Variants in COL25A1 observed in about 807,000 individuals in gnomAD.
COL25A1 encodes the protein collagen type XXV alpha 1 chain, also known as collagen alpha-1(XXV) chain.
COL25A1 carries 103 observed loss-of-function variants against 128.4 expected under a neutral mutation model. That is an observed-to-expected ratio of 0.80 (90% CI 0.68 to 0.94). The LOEUF (loss-of-function observed/expected upper bound fraction) is 0.94, where lower values mean the gene tolerates loss of function less well. COL25A1 is among the 40% of genes least tolerant of loss of function. COL25A1 has a pLI of 0.00. For missense variants in COL25A1, 745 were observed against 840.0 expected (o/e 0.89, Z 1.40); for synonymous variants, 279 against 277.2 (o/e 1.01, Z -0.06).
chr4:109,230,099 G>A (rs112047231), intron 3 of COL25A1, among the ~76,000 whole-genome samples: 2,638 of 152,164 alleles, frequency 0.017, 70 homozygotes, highest in African/African-American at 0.06. Context: ...TGAGGGATCC[G>A]CCTCCATGAC....
intron 3 of COL25A1, among the ~76,000 whole-genome samples, chr4:109,155,727 A>G (rs1405919380): frequency 6.6e-6 from 1 of 152,216 alleles, no homozygotes; most frequent in Non-Finnish European, 1.5e-5. Flanking sequence ...GGACCAACAG[A>G]GCAATTCAGA....
intron 3 of COL25A1, among the ~76,000 whole-genome samples, chr4:109,188,568 T>C (rs1775334238): frequency 1.3e-5 from 2 of 152,098 alleles, no homozygotes; most frequent in Non-Finnish European, 2.9e-5. Context: ...TGTGTCAAAC[T>C]TCCAGGAAAC....
intron 6 of COL25A1, among the ~76,000 whole-genome samples, chr4:108,977,092 G>C (rs1448161060): frequency 6.6e-6 from 1 of 152,180 alleles, no homozygotes; most frequent in Non-Finnish European, 1.5e-5. Context: ...TCTGGAACTA[G>C]AGTCTCAGAA....
At position 108,899,082 on chromosome 4, in the gene COL25A1, A is replaced by G. The variant is rs1213794229; in HGVS notation, c.861+72T>C. On this transcript the variant is annotated intron_variant, in intron 15 of 37. Coordinates refer to ENST00000399132, the MANE Select transcript of COL25A1 (RefSeq NM_198721.4). ...ACCCATCCATTCATGCATATAGTTT[A>G]GTTTGAGTACTTCTTTGGTATGCTG... is the stretch of plus-strand genomic sequence containing the variant. 5.5e-6 allele frequency: 8 copies of G among 1,460,644 alleles called. No homozygotes were observed. The East Asian group carries it at 1.8e-4, about 34-fold the overall frequency. The allele number at this position is 1,460,644 out of a possible 1,614,324, so 90.5% of individuals were successfully genotyped here. A position where few individuals can be genotyped will look rare whatever the true frequency, so the allele number is the denominator to read the frequency against.
At chr4:108,916,720 A>G (rs879786519) in intron 13 of COL25A1, among the ~76,000 whole-genome samples, 6 of 152,182 alleles carry the variant, frequency 3.9e-5, no homozygotes, top group South Asian at 2.1e-4. Context: ...GTTTCCCTCC[A>G]TGATCTGCAA....
At chr4:109,213,390 G>A (rs1777736422) in intron 3 of COL25A1, among the ~76,000 whole-genome samples, 1 of 152,142 alleles carries the variant, frequency 6.6e-6, no homozygotes, top group Non-Finnish European at 1.5e-5. Context: ...TGACCAACAG[G>A]ATATGGCACA....
rs117811437 is a variant in COL25A1, at chr4:109,172,242, T to C, written c.368-122063A>G. 9.7e-4 allele frequency among the ~76,000 whole-genome samples: 148 copies of C among 152,210 alleles called. No individual in the cohort carries two copies. In the East Asian group the frequency reaches 0.017, roughly 17 times the overall value. On this transcript the variant is annotated intron_variant, in intron 3 of 37. Transcript: ENST00000399132. ...GGATGGGGATAACAAAAATAAATAA[T>C]GCAGTTACAGTCTTTGCCCTTACAA...
At chr4:108,877,449 T>C (rs534745804) in intron 19 of COL25A1, among the ~76,000 whole-genome samples, 1 of 152,338 alleles carries the variant, frequency 6.6e-6, no homozygotes, top group South Asian at 2.1e-4. Flanking sequence ...AAACTGGCTA[T>C]ATGTACACAC....
intron 35 of COL25A1, chr4:108,819,739 C>T: frequency 1.4e-6 from 1 of 709,542 alleles, no homozygotes; most frequent in Non-Finnish European, 2.0e-6. Context: ...GTTACGGATC[C>T]CTCCGGCTTG....
intron 13 of COL25A1, among the ~76,000 whole-genome samples, chr4:108,913,733 A>G (rs994058275): frequency 6.6e-6 from 1 of 152,240 alleles, no homozygotes; most frequent in Admixed American, 6.5e-5. Flanking sequence ...AAAAACCAAC[A>G]TCTAAGTATA....
At chr4:108,983,278 G>A (rs1753211259) in intron 6 of COL25A1, among the ~76,000 whole-genome samples, 1 of 152,118 alleles carries the variant, frequency 6.6e-6, no homozygotes, top group Admixed American at 6.5e-5. Flanking sequence ...TCGAAAGAAA[G>A]TATCAACTTG....
chr4:108,886,486 G>GGTTTTTTTTTTT (rs1740822796), intron 18 of COL25A1, among the ~76,000 whole-genome samples: 1 of 79,910 alleles, frequency 1.3e-5, no homozygotes, highest in African/African-American at 4.3e-5. Context: ...GTGTGTGTGT[G>GGTTTTTTTTTTT]TGTGTGTTTA....
At chr4:109,269,039 G>A (rs1255941437) in intron 3 of COL25A1, among the ~76,000 whole-genome samples, 5 of 149,314 alleles carry the variant, frequency 3.3e-5, no homozygotes, top group Admixed American at 6.7e-5. Flanking sequence ...CCACTAACTC[G>A]TCATCTAGCA....
At chr4:108,951,408 C>G (rs1029529262) in intron 8 of COL25A1, among the ~76,000 whole-genome samples, 4 of 143,630 alleles carry the variant, frequency 2.8e-5, no homozygotes, top group African/African-American at 1.0e-4. Context: ...TTTTTTTAGA[C>G]AGTGTCTTGC....
chr4:108,829,464 G>A (rs539905263), intron 32 of COL25A1, among the ~76,000 whole-genome samples: 26 of 151,802 alleles, frequency 1.7e-4, no homozygotes, highest in East Asian at 1.4e-3. Context: ...GTGTGTGTGC[G>A]CCCACACACG....
intron 5 of COL25A1, among the ~76,000 whole-genome samples, chr4:109,046,635 T>C (rs1277825666): frequency 1.3e-5 from 2 of 152,172 alleles, no homozygotes; most frequent in Non-Finnish European, 2.9e-5. Context: ...AAGCAAGAGC[T>C]GAAAGTCAGT....
intron 3 of COL25A1, among the ~76,000 whole-genome samples, chr4:109,263,300 A>G (rs1170665591): frequency 6.6e-6 from 1 of 152,248 alleles, no homozygotes; most frequent in Non-Finnish European, 1.5e-5. Flanking sequence ...CACTGAATTC[A>G]GTACTAAACT....
At chr4:108,966,969 AAAAG>A (rs944126678) in intron 8 of COL25A1, among the ~76,000 whole-genome samples, 2 of 152,040 alleles carry the variant, frequency 1.3e-5, no homozygotes, top group Non-Finnish European at 2.9e-5. Flanking sequence ...GAAAGAAAGA[AAAAG>A]AAAGAAAAGT....
At chr4:108,906,053 G>A (rs745889825) in intron 13 of COL25A1, among the ~76,000 whole-genome samples, 1 of 152,102 alleles carries the variant, frequency 6.6e-6, no homozygotes, top group Admixed American at 6.5e-5. Context: ...CCACCCACCA[G>A]CTTCCAACAT....
Sources: allele counts gnomAD v4.1 joint callset (sites outside exome capture counted in the v4.1 genomes callset), GRCh38; gene constraint gnomAD v4.1.1; transcripts MANE v1.5; gene names NCBI Gene and HGNC (gene_info 2026-07-23, HGNC 2026-07-21).